The following ENOX1 variants were observed in gnomAD, a reference collection of about 807,000 sequenced individuals.
ENOX1 encodes ecto-NOX disulfide-thiol exchanger 1.
A neutral mutation model predicts 82.5 loss-of-function variants in ENOX1; 42 were observed. The ratio of observed to expected loss-of-function variants is 0.51; its 90% CI spans 0.40 to 0.66. The LOEUF (loss-of-function observed/expected upper bound fraction) is 0.66. Ranked by LOEUF, ENOX1 falls within the 30% of genes least tolerant of loss-of-function variation. ENOX1 has a pLI of 0.00. For synonymous variants in ENOX1, 271 were observed against 282.2 expected (o/e 0.96, Z 0.40); for missense variants, 608 against 811.6 (o/e 0.75, Z 3.05).
At chr13:43,637,637 C>CA (rs1228185409) in intron 2 of ENOX1, among the ~76,000 whole-genome samples, 1 of 151,858 alleles carries the variant, frequency 6.6e-6, no homozygotes, top group Non-Finnish European at 1.5e-5. Context: ...ATCTAGTTGC[C>CA]AGAAAGAATT....
intron 3 of ENOX1, among the ~76,000 whole-genome samples, chr13:43,454,677 A>G (rs1356839920): frequency 1.3e-5 from 2 of 152,098 alleles, no homozygotes; most frequent in Non-Finnish European, 2.9e-5. Context: ...ATGACCATGT[A>G]ATATTGTTTA....
intron 2 of ENOX1, among the ~76,000 whole-genome samples, chr13:43,590,100 A>G (rs2081176980): frequency 6.6e-6 from 1 of 152,180 alleles, no homozygotes; most frequent in African/African-American, 2.4e-5. Context: ...AAGTGGCTGA[A>G]TAAATGAGAG....
intron 2 of ENOX1, among the ~76,000 whole-genome samples, chr13:43,581,357 C>T (rs1431935729): frequency 4.6e-5 from 7 of 151,642 alleles, no homozygotes; most frequent in East Asian, 1.9e-4. Flanking sequence ...TGGTCTCGAT[C>T]TCCTGACCTC....
chr13:43,411,664 T>TA (rs982480729), intron 5 of ENOX1, among the ~76,000 whole-genome samples: 1 of 152,208 alleles, frequency 6.6e-6, no homozygotes, highest in Admixed American at 6.5e-5. Flanking sequence ...TTACCAATTT[T>TA]AAAAAACGCA....
intron 12 of ENOX1, among the ~76,000 whole-genome samples, chr13:43,283,946 T>A (rs2045548896): frequency 6.6e-6 from 1 of 152,178 alleles, no homozygotes; most frequent in Non-Finnish European, 1.5e-5. Flanking sequence ...GTAAAAATGA[T>A]GTATGTTTTA....
intron 12 of ENOX1, among the ~76,000 whole-genome samples, chr13:43,281,979 T>A (rs923843262): frequency 6.6e-6 from 1 of 152,170 alleles, no homozygotes; most frequent in African/African-American, 2.4e-5. Flanking sequence ...TCGGGATTAA[T>A]CTGGGAAGGT....
intron 1 of ENOX1, among the ~76,000 whole-genome samples, chr13:43,771,109 T>C (rs1302411561): frequency 6.6e-6 from 1 of 151,666 alleles, no homozygotes; most frequent in Non-Finnish European, 1.5e-5. Context: ...TCCAGAAGAG[T>C]GGAAATAACA....
chr13:43,555,114 A>AC (rs2079376388), intron 2 of ENOX1, among the ~76,000 whole-genome samples: 1 of 7,330 alleles, frequency 1.4e-4, no homozygotes, highest in Non-Finnish European at 8.5e-3. Context: ...ATAGTAAATT[A>AC]TAAAAAAAAT....
intron 3 of ENOX1, among the ~76,000 whole-genome samples, chr13:43,470,605 T>G (rs907967181): frequency 6.6e-6 from 1 of 151,192 alleles, no homozygotes; most frequent in Non-Finnish European, 1.5e-5. Context: ...AATACTTGTT[T>G]ATATATTTAC....
At chr13:43,283,559 C>T (rs1322984272) in intron 12 of ENOX1, among the ~76,000 whole-genome samples, 1 of 152,020 alleles carries the variant, frequency 6.6e-6, no homozygotes, top group Non-Finnish European at 1.5e-5. Flanking sequence ...AATTATCCCA[C>T]CTCAGCTTCC....
At chr13:43,476,250 T>C (rs921967695) in intron 3 of ENOX1, among the ~76,000 whole-genome samples, 2 of 152,088 alleles carry the variant, frequency 1.3e-5, no homozygotes, top group Non-Finnish European at 2.9e-5. Flanking sequence ...AAGCCTAAAA[T>C]CTACCAAAAA....
At chr13:43,672,580 G>T (rs1406186638) in intron 1 of ENOX1, among the ~76,000 whole-genome samples, 2 of 152,018 alleles carry the variant, frequency 1.3e-5, no homozygotes, top group Admixed American at 6.6e-5. Context: ...GGTTGAATGA[G>T]GAAAAGATAT....
chr13:43,299,319 A>G (rs958779453), intron 11 of ENOX1, among the ~76,000 whole-genome samples: 1 of 152,092 alleles, frequency 6.6e-6, no homozygotes, highest in Non-Finnish European at 1.5e-5. Context: ...CCAAACAAAG[A>G]TTGAGGGTAG....
rs115973474 is a variant in ENOX1 at position 43,406,207 on chromosome 13, T to C, written c.208+5709A>G. 4.2e-3 allele frequency among the ~76,000 whole-genome samples: 641 copies of C among 152,102 alleles called. 2 individuals carry two copies. Among genetic ancestry groups the C allele is most frequent in the African/African-American group, 0.015 (613 of 41,494 alleles). On this transcript the variant is annotated intron_variant, in intron 5 of 16. Transcript: ENST00000690772. ...GGAAGCAGAGAAGAATGAAAATAAG[T>C]GGAAACACCAGTGAATGGGAGAGGG... is the stretch of plus-strand genomic sequence containing the variant.
chr13:43,536,959 T>C (rs550873940), intron 2 of ENOX1, among the ~76,000 whole-genome samples: 2 of 152,208 alleles, frequency 1.3e-5, no homozygotes, highest in East Asian at 3.9e-4. Context: ...TGGAAGAAAA[T>C]GGAGTGCCAA....
intron 5 of ENOX1, among the ~76,000 whole-genome samples, chr13:43,378,996 T>G (rs934886131): frequency 2.6e-5 from 4 of 152,118 alleles, no homozygotes; most frequent in Non-Finnish European, 5.9e-5. Context: ...AGTAATTTGA[T>G]GTATGAAGAA....
At chr13:43,488,287 A>G (rs890142377) in intron 2 of ENOX1, among the ~76,000 whole-genome samples, 3 of 152,196 alleles carry the variant, frequency 2.0e-5, no homozygotes, top group African/African-American at 7.2e-5. Flanking sequence ...GAGTCTTCAC[A>G]CAGCATTCAG....
At chr13:43,250,975 C>CTGGG (rs1378022307) in intron 14 of ENOX1, among the ~76,000 whole-genome samples, 1 of 152,208 alleles carries the variant, frequency 6.6e-6, no homozygotes, top group African/African-American at 2.4e-5. Context: ...CTGGCATTAT[C>CTGGG]TGGGAGCTTA....
At chr13:43,224,018 G>T in intron 16 of ENOX1, 35 bp downstream of exon 16, 3 of 1,536,516 alleles carry the variant, frequency 2.0e-6, no homozygotes, top group South Asian at 2.3e-5. Flanking sequence ...TGCTAAATTT[G>T]AGCAACGAAA....
Sources: gnomAD v4.1 joint callset for allele counts (sites outside exome capture counted in the v4.1 genomes callset) on GRCh38, gnomAD v4.1.1 for gene constraint, MANE v1.5 for transcripts, NCBI Gene and HGNC (gene_info 2026-07-23, HGNC 2026-07-21) for gene names.